ACTR5: variants seen among roughly 807,000 people sequenced by gnomAD.
ACTR5 encodes actin-related protein 5.
ACTR5 carries 43 observed loss-of-function variants against 61.2 expected under a neutral mutation model. That is an observed-to-expected ratio of 0.70 (90% CI 0.55 to 0.91). The LOEUF is 0.91. ACTR5 is among the 40% of genes least tolerant of loss of function. The probability of loss-of-function intolerance (pLI) is 0.00; values close to 1 mark genes in which losing one functional copy is unlikely to be tolerated. For missense variants in ACTR5, 798 were observed against 782.2 expected, an observed-to-expected ratio of 1.02 and a Z score of -0.24; for synonymous variants, 333 against 310.5, an observed-to-expected ratio of 1.07 and a Z score of -0.76.
rs1268021889 is a variant in ACTR5 at position 38,748,504 on chromosome 20, G to A, written c.26G>A (p.Arg9His). The change falls in exon 1 of 9, where the codon CGC becomes CAC. Residue 9 changes from arginine to histidine, a missense_variant. Coordinates refer to ENST00000243903, the MANE Select transcript of ACTR5 (RefSeq NM_024855.4). The stretch of plus-strand genomic sequence containing the variant: ...ATGGCGGCGAACGTGTTCCCGTTCC[G>A]CGACGCCCGTGCCGCACCGGACCCA... MAANVFPF[R>H]DARAAPDPVL... 3 of 1,495,312 alleles carry A rather than the reference G, an allele frequency of 2.0e-6. No individual in the cohort carries two copies. Among genetic ancestry groups the A allele is most frequent in the Non-Finnish European group, 2.7e-6 (3 of 1,129,060 alleles). The allele number at this position is 1,495,312 out of a possible 1,614,324, so 92.6% of individuals were successfully genotyped here.
At chr20:38,770,641 T>C (rs1443604867) in intron 8 of ACTR5, among the ~76,000 whole-genome samples, 5 of 152,206 alleles carry the variant, frequency 3.3e-5, no homozygotes, top group African/African-American at 1.2e-4. Context: ...CTTTATTGAA[T>C]ACTCTGTACC....
chr20:38,755,194 C>A lies in ACTR5; in HGVS notation c.993+20C>A. ...GTGCAGGTAATAGCAGACACAGGGA[C>A]GGGCGCCCTTCCGTGTTAACAAGAT... On this transcript the variant is annotated intron_variant, in intron 4 of 8. Transcript: ENST00000243903. 1 of 1,567,056 alleles carries A rather than the reference C, an allele frequency of 6.4e-7. No individual in the cohort carries two copies. The highest frequency in any genetic ancestry group is 1.2e-5 in the South Asian group (1 of 85,412).
At chr20:38,755,204 TC>T (rs999867150) in intron 4 of ACTR5, 30 bp downstream of exon 4, 3 of 1,539,108 alleles carry the variant, frequency 1.9e-6, no homozygotes, top group Non-Finnish European at 2.6e-6. Flanking sequence ...CGGGCGCCCT[TC>T]CGTGTTAACA....
At chr20:38,760,940 G>C (rs934928618) in intron 5 of ACTR5, among the ~76,000 whole-genome samples, 3 of 151,664 alleles carry the variant, frequency 2.0e-5, no homozygotes, top group Admixed American at 1.3e-4. Context: ...TTATCCTTCA[G>C]ACATTCGGAG....
At chr20:38,755,248 T>G in intron 4 of ACTR5, 74 bp downstream of exon 4, 1 of 1,440,238 alleles carries the variant, frequency 6.9e-7, no homozygotes, top group Non-Finnish European at 9.2e-7. Context: ...TGCATATTTT[T>G]CCATTGGCCT....
At chr20:38,764,410 C>T (rs150392382) in intron 5 of ACTR5, among the ~76,000 whole-genome samples, 342 of 152,302 alleles carry the variant, frequency 2.2e-3, no homozygotes, top group African/African-American at 7.7e-3. Context: ...TGACAGATGG[C>T]TAAAGATGTC....
At chr20:38,760,483 T>C (rs2084446850) in intron 5 of ACTR5, among the ~76,000 whole-genome samples, 1 of 152,094 alleles carries the variant, frequency 6.6e-6, no homozygotes, top group African/African-American at 2.4e-5. Context: ...ACAAAACAGA[T>C]GTAGGATCAG....
intron 6 of ACTR5, 53 bp downstream of exon 6, chr20:38,765,571 A>G: frequency 6.9e-7 from 1 of 1,445,752 alleles, no homozygotes; most frequent in Non-Finnish European, 9.7e-7. Flanking sequence ...GTTGACCTAA[A>G]TGGCTGGGCT....
chr20:38,767,092 G>A (rs972620436), intron 7 of ACTR5, among the ~76,000 whole-genome samples: 2 of 152,168 alleles, frequency 1.3e-5, no homozygotes, highest in African/African-American at 4.8e-5. Flanking sequence ...TGGCTTTTGG[G>A]GATAATGGAA....
intron 5 of ACTR5, among the ~76,000 whole-genome samples, chr20:38,762,515 C>T (rs2084461125): frequency 6.6e-6 from 1 of 152,160 alleles, no homozygotes; most frequent in South Asian, 2.1e-4. Context: ...GGTCACATTA[C>T]AGAAAAGTGT....
chr20:38,772,029 C>G lies in ACTR5; in HGVS notation c.*213C>G. 1.6e-6 allele frequency: 1 copy of G among 633,752 alleles called. No homozygotes were observed. The highest frequency in any genetic ancestry group is 2.6e-6 in the Non-Finnish European group (1 of 377,474). The allele number at this position is 633,752 out of a possible 1,614,324, so 39.3% of individuals were successfully genotyped here. A position where few individuals can be genotyped will look rare whatever the true frequency, so the allele number is the denominator to read the frequency against. On this transcript the variant is annotated 3_prime_UTR_variant, in exon 9 of 9. Transcript: ENST00000243903. ...TGGGGGCTTCTGTGGTAGAGACTAA[C>G]TGGCCTTCTGATGTCTTTGTTCAAC...
chr20:38,750,340 G>GTT, intron 2 of ACTR5, 101 bp downstream of exon 2: 2 of 917,272 alleles, frequency 2.2e-6, no homozygotes, highest in Middle Eastern at 2.2e-4. Flanking sequence ...GCAAGTACTA[G>GTT]CCTGTGAACT....
At chr20:38,770,654 G>A (rs1370341837) in intron 8 of ACTR5, among the ~76,000 whole-genome samples, 1 of 152,076 alleles carries the variant, frequency 6.6e-6, no homozygotes. Flanking sequence ...TCTGTACCAG[G>A]CAGCATCTAC....
chr20:38,764,459 T>G (rs562276638), intron 5 of ACTR5, among the ~76,000 whole-genome samples: 1 of 152,156 alleles, frequency 6.6e-6, no homozygotes, highest in Non-Finnish European at 1.5e-5. Context: ...TTTTGTACAG[T>G]TTAAAATTAA....
chr20:38,751,517 G>A (rs1404215946), intron 2 of ACTR5, among the ~76,000 whole-genome samples: 3 of 152,192 alleles, frequency 2.0e-5, no homozygotes, highest in African/African-American at 4.8e-5. Context: ...GAATCATATC[G>A]TGTTCTATGC....
At position 38,748,763 on chromosome 20, in the gene ACTR5, C is replaced by G; in HGVS notation, c.285C>G (p.Arg95=). ...TGGAGCCACTGCGCTGGATGCTGCG[C>G]TCGCCCTTCGACCGCAACGTGCCGG... is the stretch of plus-strand genomic sequence containing the variant. ...GSLEPLRWML[R]SPFDRNVPVN... is the part of the protein sequence containing the mutation. Residue 95 remains arginine (R), a synonymous_variant, in exon 1 of 9, where the codon CGC becomes CGG. Coordinates refer to ENST00000243903, the MANE Select transcript of ACTR5 (RefSeq NM_024855.4). The G allele has an allele frequency of 6.2e-7, 1 of 1,603,752 alleles. No homozygotes were observed. The highest frequency in any genetic ancestry group is 8.5e-7 in the Non-Finnish European group (1 of 1,176,744).
chr20:38,749,511 A>G (rs1431540527), intron 1 of ACTR5, among the ~76,000 whole-genome samples: 1 of 152,220 alleles, frequency 6.6e-6, no homozygotes, highest in East Asian at 1.9e-4. Flanking sequence ...GGAGAGGCAG[A>G]TCACACACCT....
intron 7 of ACTR5, among the ~76,000 whole-genome samples, chr20:38,766,749 C>T (rs528481796): frequency 1.3e-5 from 2 of 152,294 alleles, no homozygotes; most frequent in East Asian, 3.9e-4. Flanking sequence ...CCCCTCCTTG[C>T]AGGCATTTTA....
intron 5 of ACTR5, among the ~76,000 whole-genome samples, chr20:38,759,595 A>G (rs1480458017): frequency 6.6e-6 from 1 of 152,182 alleles, no homozygotes; most frequent in African/African-American, 2.4e-5. Flanking sequence ...CAGCTGAAGA[A>G]ACCTCTTGAA....
Sources: gnomAD v4.1 joint callset for allele counts (sites outside exome capture counted in the v4.1 genomes callset) on GRCh38, gnomAD v4.1.1 for gene constraint, MANE v1.5 for transcripts, NCBI Gene and HGNC (gene_info 2026-07-23, HGNC 2026-07-21) for gene names.